Variants in MARCHF4 observed in about 807,000 individuals in gnomAD.
MARCHF4 encodes membrane associated ring-CH-type finger 4.
Under a neutral mutation model 43.9 loss-of-function variants are expected in MARCHF4, and 14 were observed. That is an observed-to-expected ratio of 0.32 (90% CI 0.21 to 0.50). The LOEUF (loss-of-function observed/expected upper bound fraction) is 0.50, where lower values mean the gene tolerates loss of function less well. Ranked by LOEUF, MARCHF4 falls within the 20% of genes least tolerant of loss-of-function variation. The pLI is 0.98. For missense variants in MARCHF4, 468 were observed against 536.7 expected, an observed-to-expected ratio of 0.87 and a Z score of 1.27; for synonymous variants, 226 against 213.3, an observed-to-expected ratio of 1.06 and a Z score of -0.52.
At chr2:216,291,210 CA>C (rs766146567) in intron 1 of MARCHF4, among the ~76,000 whole-genome samples, 18 of 152,096 alleles carry the variant, frequency 1.2e-4, no homozygotes, top group Non-Finnish European at 2.4e-4. Context: ...GGCAAGAGGA[CA>C]TTTTTCCAAA....
chr2:216,321,342 T>C (rs937614341), intron 1 of MARCHF4, among the ~76,000 whole-genome samples: 3 of 152,284 alleles, frequency 2.0e-5, no homozygotes, highest in Admixed American at 6.5e-5. Flanking sequence ...TGGATATATA[T>C]ACAATTAACA....
chr2:216,285,432 C>A (rs1049438505), intron 1 of MARCHF4, among the ~76,000 whole-genome samples: 1 of 152,228 alleles, frequency 6.6e-6, no homozygotes, highest in Non-Finnish European at 1.5e-5. Flanking sequence ...TTATAGCATG[C>A]CCCCATTTGC....
chr2:216,305,086 A>G (rs529553084), intron 1 of MARCHF4, among the ~76,000 whole-genome samples: 1 of 150,434 alleles, frequency 6.6e-6, no homozygotes, highest in East Asian at 1.9e-4. Flanking sequence ...AAGGGTACCC[A>G]CTGCATTAAA....
At chr2:216,304,079 T>C (rs1245870591) in intron 1 of MARCHF4, among the ~76,000 whole-genome samples, 2 of 152,130 alleles carry the variant, frequency 1.3e-5, no homozygotes, top group African/African-American at 4.8e-5. Context: ...AGACATGTCA[T>C]GGGGGTACTC....
chr2:216,313,744 A>AT (rs202187797), intron 1 of MARCHF4, among the ~76,000 whole-genome samples: 2,761 of 152,306 alleles, frequency 0.018, 78 homozygotes, highest in African/African-American at 0.063. Flanking sequence ...AGGAGCATAG[A>AT]TTTTTTCAGG....
intron 1 of MARCHF4, among the ~76,000 whole-genome samples, chr2:216,308,326 C>G (rs1691623300): frequency 1.3e-5 from 2 of 152,120 alleles, no homozygotes; most frequent in South Asian, 4.2e-4. Flanking sequence ...ATGGCTTGAG[C>G]CAAGGAGGCA....
At chr2:216,264,479 A>T (rs1212458996) in intron 3 of MARCHF4, among the ~76,000 whole-genome samples, 2 of 152,218 alleles carry the variant, frequency 1.3e-5, no homozygotes, top group East Asian at 3.9e-4. Context: ...TTGGCACTGA[A>T]GCCATTCATC....
intron 1 of MARCHF4, among the ~76,000 whole-genome samples, chr2:216,299,260 G>A (rs1691448706): frequency 6.6e-6 from 1 of 152,208 alleles, no homozygotes; most frequent in South Asian, 2.1e-4. Context: ...ACCAGGGGGT[G>A]CCTTGCCAGC....
At chr2:216,346,508 G>A (rs1039503499) in intron 1 of MARCHF4, among the ~76,000 whole-genome samples, 1 of 152,218 alleles carries the variant, frequency 6.6e-6, no homozygotes, top group Non-Finnish European at 1.5e-5. Context: ...AATACAGAGT[G>A]ATGATATGCA....
intron 3 of MARCHF4, among the ~76,000 whole-genome samples, chr2:216,270,474 G>A (rs367571963): frequency 2.6e-5 from 4 of 152,040 alleles, no homozygotes; most frequent in Admixed American, 6.5e-5. Context: ...CTTCCTCTAC[G>A]TCACAGGAGG....
chr2:216,361,825 C>T (rs139440864), intron 1 of MARCHF4, among the ~76,000 whole-genome samples: 256 of 152,276 alleles, frequency 1.7e-3, no homozygotes, highest in Non-Finnish European at 2.8e-3. Flanking sequence ...GGAAAAGCAA[C>T]AGTGTGATCT....
intron 1 of MARCHF4, among the ~76,000 whole-genome samples, chr2:216,323,954 A>C (rs893319028): frequency 6.6e-6 from 1 of 152,192 alleles, no homozygotes; most frequent in African/African-American, 2.4e-5. Context: ...GGCAAGAAAT[A>C]ACTAAAATCA....
intron 1 of MARCHF4, among the ~76,000 whole-genome samples, chr2:216,292,581 C>T (rs1691325329): frequency 6.6e-6 from 1 of 152,208 alleles, no homozygotes; most frequent in Admixed American, 6.5e-5. Context: ...ACAGAAAGTA[C>T]TGTTTTGTAA....
intron 1 of MARCHF4, among the ~76,000 whole-genome samples, chr2:216,319,775 C>T (rs1691849374): frequency 6.6e-6 from 1 of 152,176 alleles, no homozygotes; most frequent in Admixed American, 6.5e-5. Context: ...CTGGGATTTA[C>T]ATCCCCAGCC....
At chr2:216,311,172 T>C (rs1386773322) in intron 1 of MARCHF4, among the ~76,000 whole-genome samples, 1 of 152,218 alleles carries the variant, frequency 6.6e-6, no homozygotes, top group Admixed American at 6.5e-5. Flanking sequence ...GCATATCCCA[T>C]GCCATTAAGT....
At chr2:216,263,539 A>AAG (rs1342980579) in intron 3 of MARCHF4, among the ~76,000 whole-genome samples, 32 of 122,864 alleles carry the variant, frequency 2.6e-4, no homozygotes, top group Admixed American at 8.6e-4. Flanking sequence ...GAGAGAGAGA[A>AAG]AGAGAGAGAG....
intron 3 of MARCHF4, among the ~76,000 whole-genome samples, chr2:216,259,957 A>C (rs2106080214): frequency 6.6e-6 from 1 of 152,252 alleles, no homozygotes; most frequent in South Asian, 2.1e-4. Flanking sequence ...CAAAATCCAA[A>C]TTCATCCACT....
At chr2:216,331,446 C>G (rs1221634584) in intron 1 of MARCHF4, among the ~76,000 whole-genome samples, 1 of 152,062 alleles carries the variant, frequency 6.6e-6, no homozygotes, top group African/African-American at 2.4e-5. Flanking sequence ...AATATCAATA[C>G]TGTGCAAACT....
At chr2:216,266,805 G>A (rs556184443) in intron 3 of MARCHF4, among the ~76,000 whole-genome samples, 1 of 152,306 alleles carries the variant, frequency 6.6e-6, no homozygotes, top group East Asian at 1.9e-4. Context: ...GAGTTCAGGG[G>A]GTACTGCTGG....
Sources: allele counts gnomAD v4.1 joint callset (sites outside exome capture counted in the v4.1 genomes callset), GRCh38; gene constraint gnomAD v4.1.1; transcripts MANE v1.5; gene names NCBI Gene and HGNC (gene_info 2026-07-23, HGNC 2026-07-21).